The following ADGRL2 variants were observed in gnomAD, a reference collection of about 807,000 sequenced individuals.
The protein encoded by ADGRL2 is adhesion G protein-coupled receptor L2.
In ADGRL2, 44 loss-of-function variants were observed where a neutral mutation model predicts 157.4. That is an observed-to-expected ratio of 0.28 (90% CI 0.22 to 0.36). ADGRL2 has a LOEUF of 0.36. Ranked by LOEUF, ADGRL2 falls within the 10% of genes least tolerant of loss-of-function variation. The probability of loss-of-function intolerance (pLI) is 1.00; values close to 1 mark genes in which losing one functional copy is unlikely to be tolerated. For missense variants in ADGRL2, 1,510 were observed against 1,768.9 expected, an observed-to-expected ratio of 0.85 and a Z score of 2.63; for synonymous variants, 585 against 624.7, an observed-to-expected ratio of 0.94 and a Z score of 0.95.
At chr1:81,345,740 A>G (rs951225322) in intron 1 of ADGRL2, among the ~76,000 whole-genome samples, 1 of 152,192 alleles carries the variant, frequency 6.6e-6, no homozygotes, top group Non-Finnish European at 1.5e-5. Context: ...AAAGGCAAGA[A>G]AGAAGTGGAA....
intron 3 of ADGRL2, among the ~76,000 whole-genome samples, chr1:81,689,209 G>A (rs1156569258): frequency 1.3e-5 from 2 of 152,214 alleles, no homozygotes; most frequent in Non-Finnish European, 2.9e-5. Flanking sequence ...CCTGACTTAG[G>A]AAAGTTTACA....
At chr1:81,794,083 G>A (rs562709929) in intron 2 of ADGRL2, among the ~76,000 whole-genome samples, 1 of 151,998 alleles carries the variant, frequency 6.6e-6, no homozygotes, top group African/African-American at 2.4e-5. Context: ...ACCTTGACAC[G>A]TCTCCTCATA....
chr1:81,710,504 C>T (rs2083890140), intron 1 of ADGRL2, among the ~76,000 whole-genome samples: 1 of 151,164 alleles, frequency 6.6e-6, no homozygotes. Context: ...CCTGTAGTCC[C>T]AGCTACTCGG....
At chr1:81,552,430 C>T (rs115866368) in intron 2 of ADGRL2, among the ~76,000 whole-genome samples, 215 of 152,064 alleles carry the variant, frequency 1.4e-3, no homozygotes, top group African/African-American at 5.0e-3. Context: ...GGTGGAAATG[C>T]AGCACTGCTT....
intron 2 of ADGRL2, among the ~76,000 whole-genome samples, chr1:81,552,605 G>GAAAAAAAAAA (rs35795177): frequency 9.6e-6 from 1 of 103,994 alleles, no homozygotes; most frequent in Non-Finnish European, 1.9e-5. Flanking sequence ...ACTTTACTTA[G>GAAAAAAAAAA]AAAAAAAAAA....
intron 3 of ADGRL2, among the ~76,000 whole-genome samples, chr1:81,595,119 A>G (rs1308157576): frequency 6.6e-6 from 1 of 152,290 alleles, no homozygotes; most frequent in East Asian, 1.9e-4. Flanking sequence ...ATAGAGTGTG[A>G]CATGTGCTAT....
intron 1 of ADGRL2, among the ~76,000 whole-genome samples, chr1:81,811,436 GA>G (rs1350249409): frequency 2.6e-5 from 4 of 151,612 alleles, no homozygotes; most frequent in African/African-American, 9.7e-5. Context: ...TTAAGGGAGA[GA>G]GGGGCATCAG....
chr1:81,387,186 A>C (rs891027278), intron 1 of ADGRL2, among the ~76,000 whole-genome samples: 10 of 152,192 alleles, frequency 6.6e-5, no homozygotes, highest in African/African-American at 2.4e-4. Context: ...ATGTTACGTG[A>C]AAACACTTGG....
intron 1 of ADGRL2, among the ~76,000 whole-genome samples, chr1:81,333,163 C>T: frequency 6.6e-6 from 1 of 152,108 alleles, no homozygotes; most frequent in East Asian, 1.9e-4. Flanking sequence ...TAGCATCTAC[C>T]AGAGTGTAAC....
chr1:81,608,141 A>C (rs763203042), intron 3 of ADGRL2, among the ~76,000 whole-genome samples: 5 of 152,136 alleles, frequency 3.3e-5, no homozygotes, highest in Admixed American at 3.3e-4. Flanking sequence ...TGGCACGTTC[A>C]TATCTGATTT....
chr1:81,794,379 T>C (rs1283116166), intron 2 of ADGRL2, among the ~76,000 whole-genome samples: 1 of 152,144 alleles, frequency 6.6e-6, no homozygotes, highest in East Asian at 1.9e-4. Flanking sequence ...CCAGGACAAA[T>C]GACTAAGAGT....
intron 2 of ADGRL2, among the ~76,000 whole-genome samples, chr1:81,545,454 T>C (rs192507344): frequency 2.6e-4 from 39 of 152,146 alleles, no homozygotes; most frequent in African/African-American, 8.4e-4. Context: ...CTAATTTTTG[T>C]ATTTTTAGTA....
intron 3 of ADGRL2, among the ~76,000 whole-genome samples, chr1:81,624,556 C>T (rs953174159): frequency 4.6e-5 from 7 of 151,822 alleles, no homozygotes; most frequent in Non-Finnish European, 8.8e-5. Flanking sequence ...CCCCACCCCC[C>T]CCAAAAATAA....
intron 1 of ADGRL2, among the ~76,000 whole-genome samples, chr1:81,398,909 G>A (rs1260353560): frequency 6.6e-6 from 1 of 152,056 alleles, no homozygotes; most frequent in Non-Finnish European, 1.5e-5. Flanking sequence ...TCTATTTGAG[G>A]AACTTTGAGC....
chr1:81,707,955 A>T (rs1464686898), intron 1 of ADGRL2, among the ~76,000 whole-genome samples: 1 of 152,168 alleles, frequency 6.6e-6, no homozygotes, highest in Non-Finnish European at 1.5e-5. Context: ...CATGTACCAC[A>T]TTAACAAAGC....
At position 81,990,606 on chromosome 1, in the gene ADGRL2, C is replaced by A; in HGVS notation, c.3871C>A (p.Leu1291Ile). The A allele has an allele frequency of 6.2e-7, 1 of 1,614,150 alleles. No individual in the cohort carries two copies. Among genetic ancestry groups the A allele is most frequent in the Admixed American group, 1.7e-5 (1 of 60,018 alleles). ...ACGGGGCAGCAGCAAGACTCACAAC[C>A]TCGAGCTCACGCTACCAGTCAAACC... ...NLRGSSKTHN[L>I]ELTLPVKPVI... The change falls in exon 24 of 24, where the codon CTC becomes ATC. Residue 1291 changes from leucine to isoleucine, a missense_variant. This residue lies in a region of ADGRL2 where 327 missense variants were observed against 310.1 expected (regional missense o/e 1.05). Transcript: ENST00000686636.
chr1:81,971,618 C>T (rs183926959), intron 16 of ADGRL2, among the ~76,000 whole-genome samples: 6 of 152,142 alleles, frequency 3.9e-5, no homozygotes, highest in Admixed American at 6.5e-5. Flanking sequence ...CATACAAGCA[C>T]GATTTTGTAT....
chr1:81,727,555 C>T (rs900957104), intron 1 of ADGRL2, among the ~76,000 whole-genome samples: 1 of 152,010 alleles, frequency 6.6e-6, no homozygotes, highest in Non-Finnish European at 1.5e-5. Flanking sequence ...GCCTCAGCCT[C>T]CCAAGTAGCT....
At chr1:81,403,228 G>GT (rs11338962) in intron 1 of ADGRL2, among the ~76,000 whole-genome samples, 12,955 of 129,452 alleles carry the variant, frequency 0.1, 1,134 homozygotes, top group African/African-American at 0.23. Context: ...ACTTTTCCTT[G>GT]TTTTTTTTTT....
Sources: allele counts gnomAD v4.1 joint callset (sites outside exome capture counted in the v4.1 genomes callset), GRCh38; gene constraint gnomAD v4.1.1; regional missense constraint gnomAD v4.1.1; transcripts MANE v1.5; gene names NCBI Gene and HGNC (gene_info 2026-07-23, HGNC 2026-07-21).